The following CUEDC1 variants were observed in gnomAD, a reference collection of about 807,000 sequenced individuals.
CUEDC1 encodes CUE domain containing 1.
A neutral mutation model predicts 43.7 loss-of-function variants in CUEDC1; 30 were observed. That is an observed-to-expected ratio of 0.69 (90% CI 0.51 to 0.93). CUEDC1 has a LOEUF of 0.93. Ranked by LOEUF, CUEDC1 falls within the 40% of genes least tolerant of loss-of-function variation. The probability of loss-of-function intolerance (pLI) is 0.00; values close to 1 mark genes in which losing one functional copy is unlikely to be tolerated. For synonymous variants in CUEDC1, 223 were observed against 223.6 expected, an observed-to-expected ratio of 1.00 and a Z score of 0.02; for missense variants, 486 against 549.0, an observed-to-expected ratio of 0.89 and a Z score of 1.15.
intron 1 of CUEDC1, among the ~76,000 whole-genome samples, chr17:57,931,395 C>T (rs1381484447): frequency 1.3e-5 from 2 of 152,210 alleles, no homozygotes; most frequent in East Asian, 3.8e-4. Flanking sequence ...TTCAAAAACA[C>T]TGATGAAGCC....
In CUEDC1 at chr17:57,872,667, C is replaced by T; in HGVS notation, c.780G>A (p.Glu260=). Residue 260 remains glutamate, a synonymous_variant, in exon 5 of 11, where the codon GAG becomes GAA. Transcript: ENST00000577830. ...QRNRDFLLAL[E]RDRLKYESQK... ...GTGGCTGCAGGCGCTGCCCACCTCT[C>T]TCCAGAGCGAGGAGGAAGTCGCGGT... is the stretch of plus-strand genomic sequence containing the variant. The T allele has an allele frequency of 6.2e-7, 1 of 1,613,942 alleles. No homozygotes were observed. Among genetic ancestry groups the T allele is most frequent in the African/African-American group, 1.3e-5 (1 of 75,076 alleles).
intron 1 of CUEDC1, among the ~76,000 whole-genome samples, chr17:57,908,077 G>A (rs1459505592): frequency 2.0e-5 from 3 of 151,908 alleles, no homozygotes; most frequent in Non-Finnish European, 4.4e-5. Flanking sequence ...TTCTTTTTGA[G>A]ACGAAATCTC....
intron 1 of CUEDC1, among the ~76,000 whole-genome samples, chr17:57,925,512 G>A (rs200406203): frequency 6.8e-6 from 1 of 148,074 alleles, no homozygotes; most frequent in Admixed American, 6.6e-5. Flanking sequence ...AAAGAAGTTT[G>A]GCAAAGACAC....
At chr17:57,942,615 C>G (rs2074926694) in intron 1 of CUEDC1, among the ~76,000 whole-genome samples, 1 of 152,030 alleles carries the variant, frequency 6.6e-6, no homozygotes, top group African/African-American at 2.4e-5. Flanking sequence ...TCTTGAACTC[C>G]TGACCTCAGG....
At chr17:57,935,554 T>C (rs570927313) in intron 1 of CUEDC1, among the ~76,000 whole-genome samples, 35 of 152,188 alleles carry the variant, frequency 2.3e-4, no homozygotes, top group Non-Finnish European at 4.6e-4. Flanking sequence ...AGGAGTGACA[T>C]TTCCTCATAG....
chr17:57,945,621 AAAT>A (rs1301683098), intron 1 of CUEDC1, among the ~76,000 whole-genome samples: 1 of 152,246 alleles, frequency 6.6e-6, no homozygotes, highest in Non-Finnish European at 1.5e-5. Context: ...CACAAAATGA[AAAT>A]AATAACAATA....
chr17:57,883,562 A>G (rs1295197096), intron 2 of CUEDC1, among the ~76,000 whole-genome samples: 5 of 152,108 alleles, frequency 3.3e-5, no homozygotes, highest in Non-Finnish European at 7.4e-5. Context: ...CATCTCTACT[A>G]AAACTACAAA....
At chr17:57,932,862 TAA>T (rs774925074) in intron 1 of CUEDC1, among the ~76,000 whole-genome samples, 1 of 141,768 alleles carries the variant, frequency 7.1e-6, no homozygotes. Flanking sequence ...AACTCTGTCT[TAA>T]AAAAAAAAAA....
intron 1 of CUEDC1, among the ~76,000 whole-genome samples, chr17:57,917,189 G>A (rs2074651024): frequency 6.6e-6 from 1 of 152,118 alleles, no homozygotes; most frequent in Non-Finnish European, 1.5e-5. Context: ...AAAACCACTG[G>A]GCTATGGGGA....
intron 1 of CUEDC1, among the ~76,000 whole-genome samples, chr17:57,929,390 C>T (rs1230416413): frequency 6.6e-6 from 1 of 152,168 alleles, no homozygotes; most frequent in East Asian, 1.9e-4. Context: ...ACCCCAAAGA[C>T]AGGGCTCTAG....
In CUEDC1 at chr17:57,951,869, C is replaced by T. The variant is rs527466175; in HGVS notation, c.-316+3356G>A. On this transcript the variant is annotated intron_variant, in intron 1 of 10. Transcript: ENST00000577830. ...AGTTTATATTTACAAGGACTGTTAT[C>T]ACATTTATCATTTATGACCTGCTTT... is the stretch of plus-strand genomic sequence containing the variant. 6.6e-5 allele frequency among the ~76,000 whole-genome samples: 10 copies of T among 152,316 alleles called. No individual in the cohort carries two copies. In the East Asian group the frequency reaches 7.7e-4, roughly 12 times the overall value.
chr17:57,867,630 G>A (rs2073979204), intron 8 of CUEDC1: 2 of 587,180 alleles, frequency 3.4e-6, no homozygotes, highest in Non-Finnish European at 3.1e-6. Context: ...TACATCTCTG[G>A]GGATGGAGAA....
Position 57,943,992 on chromosome 17 carries a change from G to T in CUEDC1, c.-316+11233C>A, listed in dbSNP as rs184903689. ...CTCAGCCTCCTGGCTTTGGAGCTCA[G>T]ATCCTGCCTCCTCAGCTAACTAGCA... On this transcript the variant is annotated intron_variant, in intron 1 of 10. Transcript: ENST00000577830. Among the ~76,000 whole-genome samples the T allele has an allele frequency of 3.9e-4, 60 of 152,084 alleles. 1 individual carries two copies. In the East Asian group the frequency reaches 9.7e-3, roughly 25 times the overall value.
At chr17:57,910,196 A>G (rs2074568560) in intron 1 of CUEDC1, among the ~76,000 whole-genome samples, 1 of 152,106 alleles carries the variant, frequency 6.6e-6, no homozygotes, top group Admixed American at 6.5e-5. Context: ...GTGTTGAAGA[A>G]CACAGGCCAT....
At chr17:57,938,386 T>C (rs1282296691) in intron 1 of CUEDC1, among the ~76,000 whole-genome samples, 1 of 152,090 alleles carries the variant, frequency 6.6e-6, no homozygotes, top group African/African-American at 2.4e-5. Context: ...CCATCCCTGC[T>C]CCATGGCCTT....
At chr17:57,873,505 G>GGTT in intron 4 of CUEDC1, 86 bp downstream of exon 4, 1 of 1,426,304 alleles carries the variant, frequency 7.0e-7, no homozygotes, top group Non-Finnish European at 9.3e-7. Context: ...ACATCAGGAA[G>GGTT]TAAAACTGGC....
intron 1 of CUEDC1, among the ~76,000 whole-genome samples, chr17:57,889,539 C>A (rs546145146): frequency 6.6e-6 from 1 of 152,338 alleles, no homozygotes; most frequent in South Asian, 2.1e-4. Flanking sequence ...GGACTGACAA[C>A]TCCAGCCCAG....
intron 1 of CUEDC1, among the ~76,000 whole-genome samples, chr17:57,953,683 C>A (rs1009047777): frequency 3.3e-5 from 5 of 152,204 alleles, no homozygotes; most frequent in Non-Finnish European, 7.3e-5. Context: ...GGGCCCATGA[C>A]TCCAACCTCT....
At chr17:57,904,209 A>G (rs1597998302) in intron 1 of CUEDC1, among the ~76,000 whole-genome samples, 1 of 152,028 alleles carries the variant, frequency 6.6e-6, no homozygotes, top group South Asian at 2.1e-4. Flanking sequence ...CTCTCCTCCA[A>G]CCATGCAGCT....
Sources: allele counts gnomAD v4.1 joint callset (sites outside exome capture counted in the v4.1 genomes callset), GRCh38; gene constraint gnomAD v4.1.1; transcripts MANE v1.5; gene names NCBI Gene and HGNC (gene_info 2026-07-23, HGNC 2026-07-21).